Variants in DNAJC13 observed in about 807,000 individuals in gnomAD.
DNAJC13 encodes dnaJ homolog subfamily C member 13.
A neutral mutation model predicts 290.5 loss-of-function variants in DNAJC13; 75 were observed. That is an observed-to-expected ratio of 0.26 (90% CI 0.21 to 0.31). The LOEUF is 0.31. Among genes scored for constraint, DNAJC13 ranks in the 10% least tolerant of loss-of-function variants. DNAJC13 has a pLI of 1.00. For missense variants in DNAJC13, 2,260 were observed against 2,674.5 expected, an observed-to-expected ratio of 0.85 and a Z score of 3.42; for synonymous variants, 862 against 892.0, an observed-to-expected ratio of 0.97 and a Z score of 0.60.
At position 132,477,822 on chromosome 3, in the gene DNAJC13, A is replaced by G. The variant is rs1934522749; in HGVS notation, c.2479A>G (p.Ile827Val). The change falls in exon 23 of 56, where the codon ATA becomes GTA. Residue 827 changes from isoleucine (I) to valine (V), a missense_variant. This residue lies in a region of DNAJC13 where 4 missense variants were observed against 16.7 expected (regional missense o/e 0.24). Transcript: ENST00000260818. ...TGAGTGCCTGGCAGAGGAAATTAAA[A>G]TAGGAGACTATTACCTGAGATTACT... ...KYECLAEEIK[I>V]GDYYLRLLLE... 6.2e-7 allele frequency: 1 copy of G among 1,612,728 alleles called. No homozygotes were observed. Among genetic ancestry groups the G allele is most frequent in the African/African-American group, 1.3e-5 (1 of 74,836 alleles).
chr3:132,466,576 G>A (rs986799107), intron 19 of DNAJC13, among the ~76,000 whole-genome samples, 182 bp downstream of exon 19: 1 of 151,972 alleles, frequency 6.6e-6, no homozygotes, highest in Non-Finnish European at 1.5e-5. Context: ...TCTTTTTAAG[G>A]TATACAATTA....
intron 20 of DNAJC13, chr3:132,472,522 CTT>C: frequency 1.0e-6 from 1 of 977,638 alleles, no homozygotes; most frequent in South Asian, 4.7e-5. Flanking sequence ...TTTTTATTTT[CTT>C]TAACTTTTTT....
intron 54 of DNAJC13, among the ~76,000 whole-genome samples, chr3:132,529,294 T>C (rs1388213247): frequency 6.6e-6 from 1 of 152,244 alleles, no homozygotes; most frequent in African/African-American, 2.4e-5. Flanking sequence ...AAATATGTCA[T>C]TGTACGTAAA....
chr3:132,473,031 T>C lies in DNAJC13; in HGVS notation c.2209-114T>C, dbSNP rs147535220. 304 of 698,914 alleles carry C rather than the reference T, an allele frequency of 4.3e-4. No individual in the cohort carries two copies. In the East Asian group the frequency reaches 8.1e-3, roughly 19 times the overall value. The allele number at this position is 698,914 out of a possible 1,614,324, so 43.3% of individuals were successfully genotyped here. A position where few individuals can be genotyped will look rare whatever the true frequency, so the allele number is the denominator to read the frequency against. On this transcript the variant is annotated intron_variant, in intron 20 of 55. Coordinates refer to ENST00000260818, the MANE Select transcript of DNAJC13 (RefSeq NM_015268.4). ...TTTATTTATTCCGTTAATTTTTGTTTCTGTCAAAATTTGATGAAAGAAATG... is the reference window on the plus strand; with the variant it reads ...TTTATTTATTCCGTTAATTTTTGTTCCTGTCAAAATTTGATGAAAGAAATG...
At chr3:132,514,452 A>G (rs1357702853) in intron 45 of DNAJC13, 119 bp from the exon 46 acceptor site, 1 of 632,874 alleles carries the variant, frequency 1.6e-6, no homozygotes, top group African/African-American at 1.9e-5. Flanking sequence ...ACTCTTATCT[A>G]AAAACTAAAT....
At chr3:132,507,997 A>G (rs1426202755) in intron 43 of DNAJC13, among the ~76,000 whole-genome samples, 4 of 152,214 alleles carry the variant, frequency 2.6e-5, no homozygotes, top group Non-Finnish European at 4.4e-5. Context: ...TTCTTGAAGG[A>G]AATTAAAAGT....
intron 3 of DNAJC13, among the ~76,000 whole-genome samples, chr3:132,446,909 C>T (rs780607202): frequency 2.6e-5 from 4 of 151,998 alleles, no homozygotes; most frequent in African/African-American, 4.8e-5. Context: ...GTGTAAAATA[C>T]TCGTCATGGG....
At chr3:132,420,885 C>T (rs111274826) in intron 1 of DNAJC13, among the ~76,000 whole-genome samples, 4 of 152,266 alleles carry the variant, frequency 2.6e-5, no homozygotes, top group African/African-American at 9.6e-5. Context: ...CACAACATGT[C>T]CAGCTTTTAA....
chr3:132,467,834 G>A (rs1422299658), intron 20 of DNAJC13, among the ~76,000 whole-genome samples: 3 of 152,160 alleles, frequency 2.0e-5, no homozygotes, highest in Admixed American at 2.0e-4. Context: ...ATGAGTTGAT[G>A]ATTAGGTTTT....
At chr3:132,421,835 A>C (rs1938967469) in intron 1 of DNAJC13, among the ~76,000 whole-genome samples, 1 of 152,186 alleles carries the variant, frequency 6.6e-6, no homozygotes, top group Non-Finnish European at 1.5e-5. Context: ...TCAGAAAAGA[A>C]CAGGGTTAAT....
intron 41 of DNAJC13, among the ~76,000 whole-genome samples, chr3:132,503,741 T>C (rs72992382): frequency 0.027 from 4,170 of 152,242 alleles, 215 homozygotes; most frequent in African/African-American, 0.094. Context: ...TTGTAAGCCA[T>C]AGCTTATTCA....
chr3:132,488,265 CA>C, intron 29 of DNAJC13, 32 bp from the exon 30 acceptor site: 1 of 1,546,602 alleles, frequency 6.5e-7, no homozygotes, highest in African/African-American at 1.4e-5. Context: ...AGGTTTTTTA[CA>C]ACCCAATAAA....
chr3:132,467,177 A>G lies in DNAJC13; in HGVS notation c.2072A>G (p.Tyr691Cys). Residue 691 changes from tyrosine (Y) to cysteine (C), a missense_variant, in exon 20 of 56, where the codon TAT (tyrosine) becomes TGT (cysteine). Physicochemically the swap from Tyr to Cys is radical, Grantham distance 194 (BLOSUM62 -2). Coordinates refer to ENST00000260818, the MANE Select transcript of DNAJC13 (RefSeq NM_015268.4). ...RDNVKIAMDQYGKFNKVPEWQ... is the reference protein window; with the variant it reads ...RDNVKIAMDQCGKFNKVPEWQ... ...TCCAACATTATTTTACAGGATCAGT[A>G]TGGAAAATTTAATAAAGTTCCAGAG... 6.8e-6 allele frequency: 11 copies of G among 1,612,000 alleles called. No homozygotes were observed. The highest frequency in any genetic ancestry group is 9.3e-6 in the Non-Finnish European group (11 of 1,179,372).
rs762566567 is a variant in DNAJC13, at chr3:132,499,155, C to T, written c.4186C>T (p.Pro1396Ser). ...DLQPYKYAGYPMLIRTITMET... is the reference protein window; with the variant it reads ...DLQPYKYAGYSMLIRTITMET... ...ACAGCCTTATAAATATGCAGGATAC[C>T]CCATGCTTATTCGGACTATAACAAT... is the stretch of plus-strand genomic sequence containing the variant. The change falls in exon 37 of 56, where the codon CCC (proline) becomes TCC (serine). Residue 1396 changes from proline (P) to serine (S), a missense_variant. Pro to Ser is a moderately conservative substitution (Grantham distance 74, BLOSUM62 -1). This residue lies in a region of DNAJC13 where 1,494 missense variants were observed against 1,693.7 expected (regional missense o/e 0.88). Transcript: ENST00000260818. 1.9e-6 allele frequency: 3 copies of T among 1,612,168 alleles called. No individual in the cohort carries two copies. Among genetic ancestry groups the T allele is most frequent in the Admixed American group, 3.3e-5 (2 of 59,820 alleles).
At chr3:132,468,804 A>G (rs1934088597) in intron 20 of DNAJC13, among the ~76,000 whole-genome samples, 1 of 152,186 alleles carries the variant, frequency 6.6e-6, no homozygotes, top group South Asian at 2.1e-4. Flanking sequence ...CACAGTTATT[A>G]AAAATTACAA....
At chr3:132,494,988 T>C in intron 34 of DNAJC13, 100 bp from the exon 35 acceptor site, 1 of 758,192 alleles carries the variant, frequency 1.3e-6, no homozygotes, top group South Asian at 2.1e-5. Flanking sequence ...TCATATACAA[T>C]TCTTGATATT....
chr3:132,468,779 G>T (rs747123237), intron 20 of DNAJC13, among the ~76,000 whole-genome samples: 1 of 152,136 alleles, frequency 6.6e-6, no homozygotes, highest in African/African-American at 2.4e-5. Context: ...AAAATCTACA[G>T]ATATGAATGA....
chr3:132,423,877 A>G (rs1430102351), intron 1 of DNAJC13, among the ~76,000 whole-genome samples: 2 of 152,194 alleles, frequency 1.3e-5, no homozygotes, highest in Non-Finnish European at 2.9e-5. Flanking sequence ...GATAGGAAAA[A>G]CAGCAACAAG....
intron 2 of DNAJC13, among the ~76,000 whole-genome samples, chr3:132,436,861 TA>T (rs1273165662): frequency 6.6e-6 from 1 of 151,342 alleles, no homozygotes; most frequent in African/African-American, 2.4e-5. Flanking sequence ...TCACTGTAAC[TA>T]AAAAAATTTT....
Sources: allele counts gnomAD v4.1 joint callset (sites outside exome capture counted in the v4.1 genomes callset), GRCh38; gene constraint gnomAD v4.1.1; regional missense constraint gnomAD v4.1.1; transcripts MANE v1.5; gene names NCBI Gene and HGNC (gene_info 2026-07-23, HGNC 2026-07-21).